TRAM2: variants seen among roughly 807,000 people sequenced by gnomAD.
The protein encoded by TRAM2 is translocating chain-associated membrane protein 2.
TRAM2 carries 12 observed loss-of-function variants against 51.0 expected under a neutral mutation model. The ratio of observed to expected loss-of-function variants is 0.24; its 90% CI spans 0.15 to 0.38. The LOEUF is 0.38. Ranked by LOEUF, TRAM2 falls within the 10% of genes least tolerant of loss-of-function variation. The probability of loss-of-function intolerance (pLI) is 1.00; values close to 1 mark genes in which losing one functional copy is unlikely to be tolerated. For synonymous variants in TRAM2, 175 were observed against 179.4 expected (o/e 0.98, Z 0.20); for missense variants, 361 against 462.0 (o/e 0.78, Z 2.00).
intron 1 of TRAM2, among the ~76,000 whole-genome samples, chr6:52,545,246 C>G (rs1767177991): frequency 6.6e-6 from 1 of 152,170 alleles, no homozygotes; most frequent in Non-Finnish European, 1.5e-5. Context: ...TGACAGGAGG[C>G]ATCAGACACC....
chr6:52,560,417 C>T lies in TRAM2; in HGVS notation c.120+16379G>A, dbSNP rs372439645. On this transcript the variant is annotated intron_variant, in intron 1 of 10. Coordinates refer to ENST00000182527, the MANE Select transcript of TRAM2 (RefSeq NM_012288.4). ...GTTTCTTTAATTAAAATAGGCTCAT[C>T]CTATACATACTAATTTGTAATCTAT... Among the ~76,000 whole-genome samples, 3 of 152,280 alleles carry T rather than the reference C, an allele frequency of 2.0e-5. No individual in the cohort carries two copies. The South Asian group carries it at 6.2e-4, about 32-fold the overall frequency.
chr6:52,560,780 T>C (rs1482075097), intron 1 of TRAM2, among the ~76,000 whole-genome samples: 1 of 152,236 alleles, frequency 6.6e-6, no homozygotes, highest in African/African-American at 2.4e-5. Context: ...ATATTCATAA[T>C]ACTGGCCCTG....
At chr6:52,531,274 C>T (rs1424769684) in intron 2 of TRAM2, among the ~76,000 whole-genome samples, 2 of 152,040 alleles carry the variant, frequency 1.3e-5, no homozygotes, top group Non-Finnish European at 2.9e-5. Flanking sequence ...TCTTACAAAC[C>T]AAACATTACC....
chr6:52,516,538 G>T, intron 3 of TRAM2, 90 bp downstream of exon 3: 1 of 1,050,604 alleles, frequency 9.5e-7, no homozygotes, highest in Non-Finnish European at 1.5e-6. Context: ...GGATGAATGG[G>T]TGCAGAGCTG....
chr6:52,557,143 A>G (rs1014650678), intron 1 of TRAM2, among the ~76,000 whole-genome samples: 12 of 148,350 alleles, frequency 8.1e-5, no homozygotes, highest in African/African-American at 2.9e-4. Flanking sequence ...CAGTGAGCCA[A>G]GATCACACCG....
chr6:52,570,801 C>CAA (rs1016204904), intron 1 of TRAM2, among the ~76,000 whole-genome samples: 1 of 119,542 alleles, frequency 8.4e-6, no homozygotes, highest in Non-Finnish European at 1.8e-5. Context: ...CACCACCCCC[C>CAA]CCCCCACACG....
intron 2 of TRAM2, 82 bp downstream of exon 2, chr6:52,535,701 G>GAC: frequency 7.8e-7 from 1 of 1,284,210 alleles, no homozygotes; most frequent in Non-Finnish European, 1.1e-6. Context: ...AAAAAAAATT[G>GAC]TACACAGATG....
rs560960312 is a variant in TRAM2, at chr6:52,516,285, G to A, written c.295-163C>T. On this transcript the variant is annotated intron_variant, in intron 3 of 10. Transcript: ENST00000182527. The stretch of plus-strand genomic sequence containing the variant: ...TGTAAGCCTACTGCGTGCATACAGT[G>A]CTTGGTCTAAGGCAAGCATTTTGAG... 52 of 665,738 alleles carry A rather than the reference G, an allele frequency of 7.8e-5. 1 individual carries two copies. In the South Asian group the frequency reaches 9.4e-4, roughly 12 times the overall value. The allele number at this position is 665,738 out of a possible 1,614,324, so 41.2% of individuals were successfully genotyped here.
At chr6:52,513,195 A>G (rs1581870974) in intron 4 of TRAM2, among the ~76,000 whole-genome samples, 1 of 152,228 alleles carries the variant, frequency 6.6e-6, no homozygotes, top group Non-Finnish European at 1.5e-5. Context: ...ACACCAGAAT[A>G]ATACTGGTAT....
chr6:52,506,468 C>T (rs997390943), intron 7 of TRAM2, among the ~76,000 whole-genome samples: 2 of 152,198 alleles, frequency 1.3e-5, no homozygotes, highest in African/African-American at 2.4e-5. Flanking sequence ...AAAAGGTACT[C>T]AGAACACATT....
chr6:52,506,314 C>T (rs535612528), intron 7 of TRAM2, among the ~76,000 whole-genome samples, 178 bp from the exon 8 acceptor site: 4 of 152,290 alleles, frequency 2.6e-5, no homozygotes, highest in South Asian at 2.1e-4. Flanking sequence ...ACCTTTAAGA[C>T]ATTTTTCCTA....
chr6:52,571,099 T>C (rs1233352008), intron 1 of TRAM2, among the ~76,000 whole-genome samples: 1 of 151,948 alleles, frequency 6.6e-6, no homozygotes, highest in Non-Finnish European at 1.5e-5. Flanking sequence ...AACCATTAGG[T>C]ACCAATGGAT....
intron 7 of TRAM2, among the ~76,000 whole-genome samples, chr6:52,507,331 C>T (rs977397895): frequency 6.6e-6 from 1 of 152,248 alleles, no homozygotes; most frequent in Non-Finnish European, 1.5e-5. Flanking sequence ...GTGTTCATCA[C>T]TCTCAACTGT....
intron 9 of TRAM2, 129 bp downstream of exon 9, chr6:52,505,470 T>C: frequency 7.7e-7 from 1 of 1,306,980 alleles, no homozygotes; most frequent in Non-Finnish European, 1.0e-6. Flanking sequence ...AGGCCTGATA[T>C]CCAGAGATTT....
intron 1 of TRAM2, among the ~76,000 whole-genome samples, chr6:52,556,455 TATTTTTA>T (rs1767408100): frequency 6.6e-6 from 1 of 151,982 alleles, no homozygotes; most frequent in Non-Finnish European, 1.5e-5. Context: ...TAATTTGTTG[TATTTTTA>T]GTAGAGATGG....
In TRAM2 at chr6:52,508,367, C is replaced by T. The variant is rs1425428628; in HGVS notation, c.471-49G>A. On this transcript the variant is annotated intron_variant, in intron 5 of 10. Transcript: ENST00000182527. Reference sequence around the variant, plus strand: ...ACGGGCAGGATAGAGAAAAGTGTCCCTGCAGGTGCTGGCCAAGCACAGGAG... The same window carrying T: ...ACGGGCAGGATAGAGAAAAGTGTCCTTGCAGGTGCTGGCCAAGCACAGGAG... 9 of 1,567,482 alleles carry T rather than the reference C, an allele frequency of 5.7e-6. 1 individual carries two copies. The South Asian group carries it at 1.0e-4, about 18-fold the overall frequency.
At chr6:52,541,304 T>G (rs1314262531) in intron 1 of TRAM2, among the ~76,000 whole-genome samples, 1 of 152,124 alleles carries the variant, frequency 6.6e-6, no homozygotes, top group Non-Finnish European at 1.5e-5. Context: ...CACATAAATC[T>G]ATCTCATGTC....
chr6:52,573,930 C>A (rs996169365), intron 1 of TRAM2, among the ~76,000 whole-genome samples: 1 of 152,160 alleles, frequency 6.6e-6, no homozygotes, highest in Non-Finnish European at 1.5e-5. Flanking sequence ...CCAAGAGAGT[C>A]GCTCTTTGTG....
At position 52,549,913 on chromosome 6, in the gene TRAM2, A is replaced by G. The variant is rs189265858; in HGVS notation, c.121-14067T>C. On this transcript the variant is annotated intron_variant, in intron 1 of 10. Transcript: ENST00000182527. ...CAGGAAACGTCTGTCCAAAAGTCCT[A>G]TTCTCAGAGATGGTAGTATTTCAGG... Among the ~76,000 whole-genome samples the G allele has an allele frequency of 2.4e-4, 36 of 152,318 alleles. No homozygotes were observed. In the East Asian group the frequency reaches 5.4e-3, roughly 23 times the overall value.
Sources: gnomAD v4.1 joint callset for allele counts (sites outside exome capture counted in the v4.1 genomes callset) on GRCh38, gnomAD v4.1.1 for gene constraint, MANE v1.5 for transcripts, NCBI Gene and HGNC (gene_info 2026-07-23, HGNC 2026-07-21) for gene names.